Variants in RAB31 observed in about 807,000 individuals in gnomAD.
RAB31 encodes RAB31, member RAS oncogene family, also known as ras-related protein Rab-31.
RAB31 carries 21 observed loss-of-function variants against 25.6 expected under a neutral mutation model. The observed-to-expected ratio is 0.82, with a 90% CI of 0.58 to 1.18. RAB31 has a LOEUF of 1.18. Among genes scored for constraint, RAB31 ranks in the 50% most tolerant of loss-of-function variants. RAB31 has a pLI of 0.00. For missense variants in RAB31, 196 were observed against 250.1 expected (o/e 0.78, Z 1.46); for synonymous variants, 87 against 84.0 (o/e 1.04, Z -0.20).
chr18:9,726,908 C>T (rs1459854218), intron 1 of RAB31, among the ~76,000 whole-genome samples: 1 of 152,154 alleles, frequency 6.6e-6, no homozygotes, highest in Non-Finnish European at 1.5e-5. Flanking sequence ...TTCCCCCTTC[C>T]AAGCATTACC....
At chr18:9,779,049 A>G (rs2068388773) in intron 2 of RAB31, among the ~76,000 whole-genome samples, 1 of 152,118 alleles carries the variant, frequency 6.6e-6, no homozygotes, top group African/African-American at 2.4e-5. Context: ...GAGCAGGAAG[A>G]GGAGGGGTTG....
intron 1 of RAB31, among the ~76,000 whole-genome samples, chr18:9,771,539 C>A (rs1304078665): frequency 6.6e-6 from 1 of 152,184 alleles, no homozygotes; most frequent in African/African-American, 2.4e-5. Context: ...CCACTATTAC[C>A]CTGGCACTTT....
At chr18:9,806,093 C>T (rs1353609954) in intron 3 of RAB31, among the ~76,000 whole-genome samples, 1 of 151,662 alleles carries the variant, frequency 6.6e-6, no homozygotes, top group Admixed American at 6.6e-5. Context: ...AGGAGAATGG[C>T]GTGAACCCGG....
At chr18:9,730,250 T>C (rs973827494) in intron 1 of RAB31, among the ~76,000 whole-genome samples, 16 of 152,102 alleles carry the variant, frequency 1.1e-4, no homozygotes, top group Non-Finnish European at 2.1e-4. Context: ...GCATTTAGTG[T>C]CTTAGTATTT....
intron 1 of RAB31, among the ~76,000 whole-genome samples, chr18:9,721,048 G>T (rs924022603): frequency 2.0e-5 from 3 of 152,046 alleles, no homozygotes; most frequent in African/African-American, 2.4e-5. Context: ...CCTCTTCATG[G>T]GGTGATATTT....
chr18:9,859,543 T>C lies in RAB31; in HGVS notation c.*218T>C, dbSNP rs1467555095. 1.4e-5 allele frequency: 6 copies of C among 443,798 alleles called. No homozygotes were observed. Among genetic ancestry groups the C allele is most frequent in the Non-Finnish European group, 2.0e-5 (5 of 251,376 alleles). The allele number at this position is 443,798 out of a possible 1,614,324, so 27.5% of individuals were successfully genotyped here. On this transcript the variant is annotated 3_prime_UTR_variant, in exon 7 of 7. Transcript: ENST00000578921. ...CCCACCACACCACCACAAAATGGCC[T>C]TTAGTGTATGAAATGCACATGGAGG...
intron 5 of RAB31, among the ~76,000 whole-genome samples, chr18:9,825,632 G>A (rs1031271433): frequency 2.0e-5 from 3 of 152,176 alleles, no homozygotes; most frequent in African/African-American, 7.2e-5. Flanking sequence ...TCTCGGAAAA[G>A]CATTGCTTTC....
At chr18:9,710,108 A>G (rs1034664511) in intron 1 of RAB31, among the ~76,000 whole-genome samples, 3 of 152,112 alleles carry the variant, frequency 2.0e-5, no homozygotes, top group Non-Finnish European at 4.4e-5. Context: ...TTCGGTGTTT[A>G]GGGACAGGTC....
chr18:9,823,631 A>T (rs1476180701), intron 5 of RAB31, among the ~76,000 whole-genome samples: 2 of 152,208 alleles, frequency 1.3e-5, no homozygotes, highest in Admixed American at 1.3e-4. Flanking sequence ...GATAAAAATA[A>T]TAAATATTGG....
chr18:9,814,989 A>G (rs16955694), intron 4 of RAB31, 127 bp from the exon 5 acceptor site: 52,144 of 631,786 alleles, frequency 0.083, 4,130 homozygotes, highest in East Asian at 0.37. Flanking sequence ...CAGAGGTAGT[A>G]TGTTAATCTG....
At chr18:9,771,683 A>G (rs1454762101) in intron 1 of RAB31, among the ~76,000 whole-genome samples, 1 of 152,188 alleles carries the variant, frequency 6.6e-6, no homozygotes, top group Non-Finnish European at 1.5e-5. Context: ...TGGCCAGCCG[A>G]GGAACAGCAG....
intron 3 of RAB31, among the ~76,000 whole-genome samples, chr18:9,799,860 T>C (rs1258259383): frequency 2.0e-5 from 3 of 152,226 alleles, no homozygotes; most frequent in Non-Finnish European, 4.4e-5. Flanking sequence ...GATTTGTGCA[T>C]GGTGTGTTGT....
chr18:9,712,140 A>C (rs552352560), intron 1 of RAB31, among the ~76,000 whole-genome samples: 45 of 152,300 alleles, frequency 3.0e-4, no homozygotes, highest in Admixed American at 1.1e-3. Flanking sequence ...GTCCAAGCTT[A>C]TTTCTATTGG....
At chr18:9,792,033 G>C in intron 2 of RAB31, 121 bp from the exon 3 acceptor site, 1 of 1,356,758 alleles carries the variant, frequency 7.4e-7, no homozygotes, top group Non-Finnish European at 9.8e-7. Context: ...TCGTCTTAGT[G>C]GTTCCCAAGG....
intron 1 of RAB31, among the ~76,000 whole-genome samples, chr18:9,761,926 C>T (rs535291163): frequency 6.6e-6 from 1 of 152,152 alleles, no homozygotes; most frequent in Non-Finnish European, 1.5e-5. Flanking sequence ...CGTGCCTCAG[C>T]CTCCCAAGTA....
intron 3 of RAB31, among the ~76,000 whole-genome samples, chr18:9,805,595 C>A (rs1334780916): frequency 6.6e-6 from 1 of 152,138 alleles, no homozygotes; most frequent in Non-Finnish European, 1.5e-5. Flanking sequence ...TCCCATGTAA[C>A]CTAACATAGT....
chr18:9,805,856 G>A (rs796492039), intron 3 of RAB31, among the ~76,000 whole-genome samples: 10 of 152,348 alleles, frequency 6.6e-5, no homozygotes, highest in African/African-American at 2.4e-4. Flanking sequence ...CAAGACCTGT[G>A]TTCAAAGTCT....
At chr18:9,859,097 A>G (rs901490767) in intron 6 of RAB31, 131 bp from the exon 7 acceptor site, 13 of 689,590 alleles carry the variant, frequency 1.9e-5, no homozygotes, top group Non-Finnish European at 3.0e-5. Flanking sequence ...GGAAGGAGAA[A>G]GGAGCCCCTC....
chr18:9,729,324 G>A (rs1293859752), intron 1 of RAB31, among the ~76,000 whole-genome samples: 2 of 151,954 alleles, frequency 1.3e-5, no homozygotes, highest in Non-Finnish European at 2.9e-5. Context: ...GGAGGAGATC[G>A]AGACCATCCT....
Sources: allele counts gnomAD v4.1 joint callset (sites outside exome capture counted in the v4.1 genomes callset), GRCh38; gene constraint gnomAD v4.1.1; transcripts MANE v1.5; gene names NCBI Gene and HGNC (gene_info 2026-07-23, HGNC 2026-07-21).